Variants in RUSC2 observed in about 807,000 individuals in gnomAD.
RUSC2 encodes the protein AP-4 complex accessory subunit RUSC2.
A neutral mutation model predicts 122.2 loss-of-function variants in RUSC2; 34 were observed. That is an observed-to-expected ratio of 0.28 (90% CI 0.21 to 0.37). The LOEUF (loss-of-function observed/expected upper bound fraction) is 0.37, where lower values mean the gene tolerates loss of function less well. RUSC2 is among the 10% of genes least tolerant of loss of function. RUSC2 has a pLI of 1.00. For synonymous variants in RUSC2, 784 were observed against 790.0 expected (o/e 0.99, Z 0.13); for missense variants, 1,747 against 1,952.4 (o/e 0.89, Z 1.98).
intron 1 of RUSC2, among the ~76,000 whole-genome samples, chr9:35,522,844 C>T (rs1007551334): frequency 1.3e-5 from 2 of 152,172 alleles, no homozygotes; most frequent in South Asian, 2.1e-4. Context: ...CTGAGGTTGT[C>T]GCTGTTGGAG....
chr9:35,508,428 G>A (rs1820955724), intron 1 of RUSC2, among the ~76,000 whole-genome samples: 1 of 152,190 alleles, frequency 6.6e-6, no homozygotes, highest in African/African-American at 2.4e-5. Flanking sequence ...CTGGAGCCAT[G>A]CTCTGACCTA....
At position 35,561,677 on chromosome 9, in the gene RUSC2, A is replaced by G. The variant is rs1822181393; in HGVS notation, c.*295A>G. 1.1e-5 allele frequency: 6 copies of G among 531,444 alleles called. No homozygotes were observed. Among genetic ancestry groups the G allele is most frequent in the Non-Finnish European group, 1.3e-5 (4 of 302,464 alleles). The allele number at this position is 531,444 out of a possible 1,614,324, so 32.9% of individuals were successfully genotyped here. On this transcript the variant is annotated 3_prime_UTR_variant, in exon 12 of 12. Coordinates refer to ENST00000361226, the MANE Select transcript of RUSC2 (RefSeq NM_014806.5). ...GGTGAAGACAAGCAAGTCCCCCTGG[A>G]GGCGGGTGGCCCAGAAAGCCATCTA...
rs556066681 is a variant in RUSC2 at position 35,501,264 on chromosome 9, T to C, written c.-93+11092T>C. On this transcript the variant is annotated intron_variant, in intron 1 of 11. Transcript: ENST00000361226. The stretch of plus-strand genomic sequence containing the variant: ...TTTTCAAAGTCCCCTGAAGGAGCTC[T>C]GTAAAGAATAGTTCAGAAGTCACTG... 2.6e-5 allele frequency among the ~76,000 whole-genome samples: 4 copies of C among 152,308 alleles called. No individual in the cohort carries two copies. In the East Asian group the frequency reaches 7.7e-4, roughly 29 times the overall value.
intron 1 of RUSC2, among the ~76,000 whole-genome samples, chr9:35,496,701 G>A (rs551163359): frequency 1.3e-5 from 2 of 152,116 alleles, no homozygotes; most frequent in East Asian, 1.9e-4. Flanking sequence ...CAAGATCCTA[G>A]AGATCTACAT....
intron 1 of RUSC2, among the ~76,000 whole-genome samples, chr9:35,491,728 T>TC (rs1820572041): frequency 1.3e-5 from 2 of 152,166 alleles, no homozygotes; most frequent in Admixed American, 1.3e-4. Flanking sequence ...GGTGGGCGGA[T>TC]CACTAGAGGT....
At chr9:35,532,622 T>C (rs1383315241) in intron 1 of RUSC2, among the ~76,000 whole-genome samples, 1 of 151,980 alleles carries the variant, frequency 6.6e-6, no homozygotes, top group East Asian at 1.9e-4. Flanking sequence ...GGCATGCACC[T>C]GTAATCCCAG....
At chr9:35,534,123 A>AT (rs1821477038) in intron 1 of RUSC2, among the ~76,000 whole-genome samples, 1 of 152,120 alleles carries the variant, frequency 6.6e-6, no homozygotes, top group Non-Finnish European at 1.5e-5. Flanking sequence ...AACATGTGTG[A>AT]TTGCCTGCCT....
chr9:35,541,394 G>A (rs1490907303), intron 1 of RUSC2, among the ~76,000 whole-genome samples: 1 of 151,472 alleles, frequency 6.6e-6, no homozygotes, highest in Non-Finnish European at 1.5e-5. Flanking sequence ...CAGGAAAGGA[G>A]CCTGAGATAC....
chr9:35,545,947 T>C (rs1293821220), intron 1 of RUSC2, among the ~76,000 whole-genome samples: 3 of 152,238 alleles, frequency 2.0e-5, no homozygotes, highest in Non-Finnish European at 2.9e-5. Flanking sequence ...TCTTGCAAAA[T>C]TATAGCTTAT....
Position 35,561,669 on chromosome 9 carries a change from C to T in RUSC2, c.*287C>T. On this transcript the variant is annotated 3_prime_UTR_variant, in exon 12 of 12. Coordinates refer to ENST00000361226, the MANE Select transcript of RUSC2 (RefSeq NM_014806.5). The stretch of plus-strand genomic sequence containing the variant: ...CTTCCATGGGTGAAGACAAGCAAGT[C>T]CCCCTGGAGGCGGGTGGCCCAGAAA... The T allele has an allele frequency of 1.9e-6, 1 of 535,368 alleles. No homozygotes were observed. 33.2% of individuals were successfully genotyped at this position (535,368 alleles called of 1,614,324 possible).
intron 1 of RUSC2, among the ~76,000 whole-genome samples, chr9:35,525,700 G>A (rs1444092894): frequency 1.3e-5 from 2 of 152,290 alleles, no homozygotes. Context: ...TCGGGAGGTT[G>A]AGGCAGGAGA....
intron 1 of RUSC2, among the ~76,000 whole-genome samples, chr9:35,498,932 T>C (rs1043128310): frequency 1.3e-5 from 2 of 151,852 alleles, no homozygotes; most frequent in Non-Finnish European, 2.9e-5. Context: ...GTTGATTTGG[T>C]ATGCAAGTCC....
At chr9:35,519,740 A>C (rs1821177156) in intron 1 of RUSC2, among the ~76,000 whole-genome samples, 1 of 152,240 alleles carries the variant, frequency 6.6e-6, no homozygotes, top group Non-Finnish European at 1.5e-5. Flanking sequence ...AAGATATAAT[A>C]ATAATAATGA....
chr9:35,496,674 G>A (rs1820720387), intron 1 of RUSC2, among the ~76,000 whole-genome samples: 1 of 152,130 alleles, frequency 6.6e-6, no homozygotes, highest in South Asian at 2.1e-4. Flanking sequence ...AGAATTTCAT[G>A]CAACCACCAG....
chr9:35,556,193 G>T, intron 4 of RUSC2, 56 bp downstream of exon 4: 1 of 1,602,636 alleles, frequency 6.2e-7, no homozygotes, highest in East Asian at 2.2e-5. Context: ...GGCTGGAAAG[G>T]GCTAGAGAAG....
chr9:35,513,690 A>G (rs1424779490), intron 1 of RUSC2, among the ~76,000 whole-genome samples: 1 of 151,670 alleles, frequency 6.6e-6, no homozygotes, highest in Non-Finnish European at 1.5e-5. Context: ...TATTTAACCA[A>G]TTCATTACTG....
At chr9:35,518,185 T>C (rs533870718) in intron 1 of RUSC2, among the ~76,000 whole-genome samples, 1 of 152,356 alleles carries the variant, frequency 6.6e-6, no homozygotes, top group African/African-American at 2.4e-5. Context: ...AAAAAATGTA[T>C]TAAATGAGTC....
chr9:35,560,939 G>C, intron 10 of RUSC2, 21 bp from the exon 11 acceptor site: 1 of 1,611,158 alleles, frequency 6.2e-7, no homozygotes, highest in Non-Finnish European at 8.5e-7. Flanking sequence ...GGCAGAGCCT[G>C]AGTCCAGCTG....
Position 35,556,124 on chromosome 9 carries a change from C to T in RUSC2, c.2829C>T (p.Asn943=). 1 of 1,614,122 alleles carries T rather than the reference C, an allele frequency of 6.2e-7. No individual in the cohort carries two copies. Among genetic ancestry groups the T allele is most frequent in the Non-Finnish European group, 8.5e-7 (1 of 1,179,988 alleles). The change falls in exon 4 of 12, where the codon AAC becomes AAT. Residue 943 remains asparagine (N), a synonymous_variant. Transcript: ENST00000361226. The part of the protein sequence containing the change: ...PGSLSAASHL[N]CRLNGQAVKP... ...CCCTCAGTGCTGCCAGCCATCTGAA[C>T]TGCCGGCTGAATGGTGTGTGAGCAG...
Sources: allele counts gnomAD v4.1 joint callset (sites outside exome capture counted in the v4.1 genomes callset), GRCh38; gene constraint gnomAD v4.1.1; transcripts MANE v1.5; gene names NCBI Gene and HGNC (gene_info 2026-07-23, HGNC 2026-07-21).